Variants in CACNA1H observed in about 807,000 individuals in gnomAD.
The protein encoded by CACNA1H is voltage-dependent T-type calcium channel subunit alpha-1H.
CACNA1H carries 149 observed loss-of-function variants against 192.5 expected under a neutral mutation model. The ratio of observed to expected loss-of-function variants is 0.77; its 90% CI spans 0.68 to 0.89. The LOEUF is 0.89. Ranked by LOEUF, CACNA1H falls within the 40% of genes least tolerant of loss-of-function variation. The pLI is 0.00. For synonymous variants in CACNA1H, 2,202 were observed against 1,475.2 expected, an observed-to-expected ratio of 1.49 and a Z score of -11.29; for missense variants, 4,257 against 3,423.5, an observed-to-expected ratio of 1.24 and a Z score of -6.08.
intron 2 of CACNA1H, among the ~76,000 whole-genome samples, chr16:1,179,079 G>A (rs1965204862): frequency 6.6e-6 from 1 of 152,226 alleles, no homozygotes; most frequent in Non-Finnish European, 1.5e-5. Context: ...TGTGGCGGGT[G>A]TAGGGTTCAG....
Position 1,211,718 on chromosome 16 carries a change from C to T in CACNA1H, c.4479C>T (p.Ala1493=). The change falls in exon 24 of 35, where the codon GCC becomes GCT. Residue 1493 remains alanine, a splice_region_variant and synonymous_variant. Coordinates refer to ENST00000348261, the MANE Select transcript of CACNA1H (RefSeq NM_021098.3). The part of the protein sequence containing the change: ...RKYNFDNLGQ[A]LMSLFVLSSK... ...GTGACCCTGGCTCTGGCCCTCAGGC[C>T]CTGATGTCGCTGTTCGTGCTGTCAT... 1.2e-6 allele frequency: 2 copies of T among 1,612,592 alleles called. No homozygotes were observed. Among genetic ancestry groups the T allele is most frequent in the Non-Finnish European group, 8.5e-7 (1 of 1,179,712 alleles).
rs775520795 is a variant in CACNA1H, at chr16:1,207,864, C to T, written c.3154+4C>T. On this transcript the variant is annotated splice_donor_region_variant and intron_variant, in intron 15 of 34. Coordinates refer to ENST00000348261, the MANE Select transcript of CACNA1H (RefSeq NM_021098.3). ...CTCAGAGAACTCCAGACCACAGGTG[C>T]GTGTGGTCGGTGGGTGGTCCGGGTT... 4.4e-6 allele frequency: 7 copies of T among 1,583,802 alleles called. No individual in the cohort carries two copies. The highest frequency in any genetic ancestry group is 1.7e-4 in the Middle Eastern group (1 of 6,036).
At chr16:1,182,855 G>A (rs1043980154) in intron 2 of CACNA1H, among the ~76,000 whole-genome samples, 1 of 152,104 alleles carries the variant, frequency 6.6e-6, no homozygotes, top group Non-Finnish European at 1.5e-5. Flanking sequence ...GGGATGGGGT[G>A]CAGGTGACCT....
chr16:1,204,600 G>A lies in CACNA1H; in HGVS notation c.2451+142G>A, dbSNP rs1304848532. 3 of 654,212 alleles carry A rather than the reference G, an allele frequency of 4.6e-6. No individual in the cohort carries two copies. The South Asian group carries it at 6.8e-5, about 15-fold the overall frequency. The allele number at this position is 654,212 out of a possible 1,614,324, so 40.5% of individuals were successfully genotyped here. A position where few individuals can be genotyped will look rare whatever the true frequency, so the allele number is the denominator to read the frequency against. On this transcript the variant is annotated intron_variant, in intron 10 of 34. Transcript: ENST00000348261. ...GCTCTAGAAAGCCGGGGATGGTGAG[G>A]ATAGGAGACCAGGTGTGCCGAGCCT... is the stretch of plus-strand genomic sequence containing the variant.
At position 1,212,523 on chromosome 16, in the gene CACNA1H, G is replaced by A. The variant is rs772204305; in HGVS notation, c.4772G>A (p.Ser1591Asn). The change falls in exon 26 of 35, where the codon AGC (serine) becomes AAC (asparagine). Residue 1591 changes from serine (S) to asparagine (N), a missense_variant. Transcript: ENST00000348261. The stretch of plus-strand genomic sequence containing the variant: ...CTTGTCTTTCCAGGCACTTTCCCCA[G>A]CCCAGGTACCGGCCCTGTCCCGCAT... ...LERRRRSTFP[S>N]PEAQRRPYYA... 31 of 1,610,952 alleles carry A rather than the reference G, an allele frequency of 1.9e-5. No homozygotes were observed. The highest frequency in any genetic ancestry group is 2.5e-5 in the Non-Finnish European group (30 of 1,179,122).
intron 2 of CACNA1H, among the ~76,000 whole-genome samples, chr16:1,179,801 C>T (rs1965286327): frequency 1.5e-5 from 2 of 133,886 alleles, no homozygotes; most frequent in South Asian, 5.0e-4. Context: ...GTGGCGTGAT[C>T]TCCGCTCACT....
chr16:1,153,172 G>GCCCGCGCCCCGCGCCCCGCGC lies in CACNA1H; in HGVS notation c.-305_-285dup, dbSNP rs1319650851. 4 of 144,106 alleles carry GCCCGCGCCCCGCGCCCCGCGC rather than the reference G, an allele frequency of 2.8e-5. No individual in the cohort carries two copies. Among genetic ancestry groups the GCCCGCGCCCCGCGCCCCGCGC allele is most frequent in the East Asian group, 2.1e-4 (1 of 4,804 alleles). 8.9% of individuals were successfully genotyped at this position (144,106 alleles called of 1,614,324 possible). ...TCGCTCGCTGCCTCACCGGTCCCCG[G>GCCCGCGCCCCGCGCCCCGCGC]CCCGCGCCCCGCGCCCCGCGCCCCG... On this transcript the variant is annotated 5_prime_UTR_variant, in exon 1 of 35. Coordinates refer to ENST00000348261, the MANE Select transcript of CACNA1H (RefSeq NM_021098.3).
chr16:1,218,482 G>A lies in CACNA1H; in HGVS notation c.5718G>A (p.Pro1906=), dbSNP rs768615232. The A allele has an allele frequency of 1.2e-5, 18 of 1,551,958 alleles. No individual in the cohort carries two copies. Among genetic ancestry groups the A allele is most frequent in the South Asian group, 7.1e-5 (6 of 84,174 alleles). ...GGCCTCCCTTGCCCCAGGAGAGTCC[G>A]GGCGCCAGGGACGCCCCAAACCTGG... ...ADRPPLPQES[P]GARDAPNLVA... is the part of the protein sequence containing the mutation. Residue 1906 remains proline, a synonymous_variant, in exon 33 of 35, where the codon CCG becomes CCA. Coordinates refer to ENST00000348261, the MANE Select transcript of CACNA1H (RefSeq NM_021098.3).
chr16:1,217,087 A>C (rs1226991284), intron 31 of CACNA1H, 77 bp downstream of exon 31: 1 of 1,273,154 alleles, frequency 7.9e-7, no homozygotes. Flanking sequence ...ACTCACACGC[A>C]GGCACATGCT....
chr16:1,181,555 T>A (rs1289133668), intron 2 of CACNA1H, among the ~76,000 whole-genome samples: 1 of 152,252 alleles, frequency 6.6e-6, no homozygotes, highest in East Asian at 1.9e-4. Context: ...AGAGGAGGGC[T>A]GGGATCAGGC....
chr16:1,198,793 C>A lies in CACNA1H; in HGVS notation c.803+19C>A. On this transcript the variant is annotated intron_variant, in intron 6 of 34. Coordinates refer to ENST00000348261, the MANE Select transcript of CACNA1H (RefSeq NM_021098.3). Reference sequence around the variant, plus strand: ...TTGTCAGGTGCCCAGGCCCCACCCCCGTGAGGCCCCTGCCCAGATGGCCCT... The same window carrying A: ...TTGTCAGGTGCCCAGGCCCCACCCCAGTGAGGCCCCTGCCCAGATGGCCCT... 6.3e-7 allele frequency: 1 copy of A among 1,599,516 alleles called. No individual in the cohort carries two copies. Among genetic ancestry groups the A allele is most frequent in the Non-Finnish European group, 8.5e-7 (1 of 1,174,266 alleles).
chr16:1,160,624 C>T (rs1324785302), intron 2 of CACNA1H, among the ~76,000 whole-genome samples: 8 of 152,192 alleles, frequency 5.3e-5, no homozygotes, highest in Middle Eastern at 3.2e-3. Context: ...CCCTGGCCTC[C>T]GTGCACACTC....
intron 2 of CACNA1H, among the ~76,000 whole-genome samples, chr16:1,166,414 C>G (rs1963781455): frequency 6.6e-6 from 1 of 152,232 alleles, no homozygotes; most frequent in Admixed American, 6.5e-5. Context: ...GCGTACAAGG[C>G]CCTCTGGCCA....
rs375742212 is a variant in CACNA1H at position 1,209,221 on chromosome 16, G to A, written c.3553G>A (p.Ala1185Thr). ...CGACGAAGCTGAGGACGGCAGGGCC[G>A]CGCCCGGGCCCCGTGCCACCCCACT... Reference protein sequence around the residue: ...TDDEAEDGRAAPGPRATPLRR... With the variant: ...TDDEAEDGRATPGPRATPLRR... Residue 1185 changes from alanine to threonine, a missense_variant, in exon 17 of 35, where the codon GCG becomes ACG. Physicochemically the swap from Ala to Thr is moderately conservative, Grantham distance 58 (BLOSUM62 0). Transcript: ENST00000348261. 66 of 1,545,440 alleles carry A rather than the reference G, an allele frequency of 4.3e-5. No homozygotes were observed. Among genetic ancestry groups the A allele is most frequent in the South Asian group, 3.0e-4 (25 of 83,800 alleles).
intron 11 of CACNA1H, 73 bp from the exon 12 acceptor site, chr16:1,206,031 C>T: frequency 7.0e-7 from 1 of 1,435,540 alleles, no homozygotes; most frequent in Non-Finnish European, 9.3e-7. Context: ...GCTGGTGACC[C>T]TGCTTCCAGT....
At chr16:1,217,163 C>G (rs933864452) in intron 31 of CACNA1H, among the ~76,000 whole-genome samples, 153 bp downstream of exon 31, 1 of 152,200 alleles carries the variant, frequency 6.6e-6, no homozygotes, top group Non-Finnish European at 1.5e-5. Flanking sequence ...GCCCTGCTTC[C>G]GGAGCCTTTT....
At position 1,200,460 on chromosome 16, in the gene CACNA1H, C is replaced by G. The variant is rs1183381904; in HGVS notation, c.1008C>G (p.Ala336=). Residue 336 remains alanine (A), a synonymous_variant, in exon 7 of 35, where the codon GCC becomes GCG. Transcript: ENST00000348261. ...AGGGGGTGGGCGCTGCACGCAACGC[C>G]TGCATCAACTGGAACCAGTACTACA... ...QAEGVGAARN[A]CINWNQYYNV... is the part of the protein sequence containing the mutation. 6 of 1,611,928 alleles carry G rather than the reference C, an allele frequency of 3.7e-6. No individual in the cohort carries two copies. In the African/African-American group the frequency reaches 4.0e-5, roughly 11 times the overall value.
Position 1,154,051 on chromosome 16 carries a change from C to CGGCGGGGGGCGGGG in CACNA1H, c.299+27_299+40dup, listed in dbSNP as rs147910127. The stretch of plus-strand genomic sequence containing the variant: ...GTCTGCAACCCATATCCTTCCCGGC[C>CGGCGGGGGGCGGGG]GGCGGGGGGCGGGGGGCGGGGGGCG... On this transcript the variant is annotated intron_variant, in intron 2 of 34. Coordinates refer to ENST00000348261, the MANE Select transcript of CACNA1H (RefSeq NM_021098.3). 1 of 660,908 alleles carries CGGCGGGGGGCGGGG rather than the reference C, an allele frequency of 1.5e-6. No homozygotes were observed. The highest frequency in any genetic ancestry group is 1.8e-6 in the Non-Finnish European group (1 of 543,104). The allele number at this position is 660,908 out of a possible 1,614,324, so 40.9% of individuals were successfully genotyped here. A position where few individuals can be genotyped will look rare whatever the true frequency, so the allele number is the denominator to read the frequency against.
intron 11 of CACNA1H, 47 bp downstream of exon 11, chr16:1,205,312 C>G: frequency 6.4e-7 from 1 of 1,555,326 alleles, no homozygotes. Context: ...GGAAGCTCCA[C>G]TCTCTGGCAG....
Sources: allele counts gnomAD v4.1 joint callset (sites outside exome capture counted in the v4.1 genomes callset), GRCh38; gene constraint gnomAD v4.1.1; transcripts MANE v1.5; gene names NCBI Gene and HGNC (gene_info 2026-07-23, HGNC 2026-07-21).